The following SAMD5 variants were observed in gnomAD, a reference collection of about 807,000 sequenced individuals.
The protein encoded by SAMD5 is sterile alpha motif domain containing 5.
In SAMD5, 13 loss-of-function variants were observed where a neutral mutation model predicts 11.3. That is an observed-to-expected ratio of 1.15 (90% CI 0.75 to 1.83). SAMD5 has a LOEUF of 1.83. Ranked by LOEUF, SAMD5 falls within the 40% of genes most tolerant of loss-of-function variation. The pLI is 0.00. For missense variants in SAMD5, 255 were observed against 239.1 expected, an observed-to-expected ratio of 1.07 and a Z score of -0.44; for synonymous variants, 129 against 111.3, an observed-to-expected ratio of 1.16 and a Z score of -1.00.
the SAMD5 span, among the ~76,000 whole-genome samples, chr6:147,939,731 C>T: frequency 6.6e-6 from 1 of 152,218 alleles, no homozygotes; most frequent in Non-Finnish European, 1.5e-5. Context: ...CCAATGGCTT[C>T]CCAGACAACA....
chr6:147,560,111 A>C (rs1046668559), intron 1 of SAMD5, among the ~76,000 whole-genome samples: 2 of 152,236 alleles, frequency 1.3e-5, no homozygotes, highest in African/African-American at 2.4e-5. Context: ...TCAATCGGTC[A>C]GCAGTAGTAG....
intron 1 of SAMD5, among the ~76,000 whole-genome samples, chr6:147,563,051 T>C (rs975300412): frequency 2.0e-5 from 3 of 152,192 alleles, no homozygotes; most frequent in Non-Finnish European, 4.4e-5. Context: ...TATTTGAATA[T>C]ATTAAATAGT....
intron 1 of SAMD5, among the ~76,000 whole-genome samples, chr6:147,587,977 TC>T (rs1251812706): frequency 6.6e-6 from 1 of 152,214 alleles, no homozygotes; most frequent in Non-Finnish European, 1.5e-5. Context: ...TCAAAATATG[TC>T]GTGGATCTAC....
chr6:147,563,172 A>C (rs1286803058), intron 1 of SAMD5, among the ~76,000 whole-genome samples: 1 of 152,208 alleles, frequency 6.6e-6, no homozygotes, highest in Non-Finnish European at 1.5e-5. Context: ...TGATTGCCTG[A>C]TGGTGTCACC....
chr6:147,786,595 T>C, the SAMD5 span, among the ~76,000 whole-genome samples: 1 of 152,212 alleles, frequency 6.6e-6, no homozygotes, highest in South Asian at 2.1e-4. Flanking sequence ...GGCTTTATAC[T>C]TACTTAAAGG....
At chr6:147,899,587 C>A in the SAMD5 span, among the ~76,000 whole-genome samples, 1 of 152,298 alleles carries the variant, frequency 6.6e-6, no homozygotes, top group East Asian at 1.9e-4. Flanking sequence ...AAGGCATGAG[C>A]TCTCCAGCAG....
intron 1 of SAMD5, among the ~76,000 whole-genome samples, chr6:147,621,699 C>G (rs991765039): frequency 6.6e-6 from 1 of 152,184 alleles, no homozygotes; most frequent in African/African-American, 2.4e-5. Flanking sequence ...CGAGGAGCAG[C>G]CTTTTGTTCC....
intron 1 of SAMD5, among the ~76,000 whole-genome samples, chr6:147,645,201 G>A (rs1426212784): frequency 1.3e-5 from 2 of 152,206 alleles, no homozygotes; most frequent in African/African-American, 2.4e-5. Context: ...GCCACTAGCA[G>A]TTGATGGCAT....
the SAMD5 span, among the ~76,000 whole-genome samples, chr6:147,864,210 C>T: frequency 1.3e-5 from 2 of 152,018 alleles, no homozygotes; most frequent in Admixed American, 1.3e-4. Flanking sequence ...TTGAATTTTC[C>T]CGCCCTAGAA....
rs1396762916 is a variant in SAMD5, at chr6:147,539,492, C to T, written c.460-24902C>T. Among the ~76,000 whole-genome samples the T allele has an allele frequency of 3.3e-5, 5 of 152,202 alleles. No homozygotes were observed. The East Asian group carries it at 7.7e-4, about 23-fold the overall frequency. On this transcript the variant is annotated intron_variant, in intron 1 of 1. Coordinates refer to ENST00000367474, the MANE Select transcript of SAMD5 (RefSeq NM_001030060.3). ...TTCTGATACCCCCAAAACTCAAAAC[C>T]GTCAGATATCACAGTGCAAAACAGA...
chr6:147,785,756 C>T, the SAMD5 span, among the ~76,000 whole-genome samples: 1 of 152,164 alleles, frequency 6.6e-6, no homozygotes, highest in Admixed American at 6.5e-5. Context: ...AGAAATACTT[C>T]TCCAGATACT....
At chr6:147,915,520 T>C in the SAMD5 span, among the ~76,000 whole-genome samples, 1 of 152,314 alleles carries the variant, frequency 6.6e-6, no homozygotes, top group South Asian at 2.1e-4. Flanking sequence ...GTTTCCTCAT[T>C]AGAGAAACAA....
chr6:147,864,189 T>C, the SAMD5 span, among the ~76,000 whole-genome samples: 3 of 152,104 alleles, frequency 2.0e-5, no homozygotes, highest in Non-Finnish European at 4.4e-5. Context: ...CACCTATGTG[T>C]GTGGAGTAAC....
chr6:147,591,527 C>A (rs1190312910), intron 1 of SAMD5, among the ~76,000 whole-genome samples: 1 of 152,104 alleles, frequency 6.6e-6, no homozygotes, highest in African/African-American at 2.4e-5. Flanking sequence ...ATCTGCTTGA[C>A]CTGCTGGAAT....
At chr6:147,870,443 T>TGTGTGA in the SAMD5 span, among the ~76,000 whole-genome samples, 1 of 114,960 alleles carries the variant, frequency 8.7e-6, no homozygotes, top group Non-Finnish European at 1.9e-5. Context: ...TGTGTGTGTG[T>TGTGTGA]GTGTGAGTGT....
chr6:147,838,531 G>GCTCCCCCCCCC, the SAMD5 span, among the ~76,000 whole-genome samples: 1 of 127,706 alleles, frequency 7.8e-6, no homozygotes, highest in Non-Finnish European at 1.6e-5. Flanking sequence ...AGAATATCCT[G>GCTCCCCCCCCC]CCCCCCCCCC....
chr6:147,790,812 CT>C, the SAMD5 span, among the ~76,000 whole-genome samples: 1 of 126,966 alleles, frequency 7.9e-6, no homozygotes, highest in Non-Finnish European at 1.7e-5. Context: ...CTCTCTCTCT[CT>C]CTCTCTCTCT....
At position 147,567,623 on chromosome 6, in the gene SAMD5, T is replaced by G; in HGVS notation, c.*3167T>G. 2 of 979,814 alleles carry G rather than the reference T, an allele frequency of 2.0e-6. No homozygotes were observed. The highest frequency in any genetic ancestry group is 2.4e-6 in the Non-Finnish European group (2 of 824,838). The allele number at this position is 979,814 out of a possible 1,614,324, so 60.7% of individuals were successfully genotyped here. On this transcript the variant is annotated 3_prime_UTR_variant, in exon 2 of 2. Coordinates refer to ENST00000367474, the MANE Select transcript of SAMD5 (RefSeq NM_001030060.3). ...ACAGTCCTTGGCTCAGTGCTAGGCA[T>G]GTAGCAGGTGCTGACTGCCTCTCTC...
At chr6:147,908,608 AAG>A in the SAMD5 span, among the ~76,000 whole-genome samples, 1 of 152,192 alleles carries the variant, frequency 6.6e-6, no homozygotes, top group Admixed American at 6.5e-5. Flanking sequence ...GCAGCAGGGA[AAG>A]AGAACAACTA....
Sources: gnomAD v4.1 joint callset for allele counts (sites outside exome capture counted in the v4.1 genomes callset) on GRCh38, gnomAD v4.1.1 for gene constraint, MANE v1.5 for transcripts, NCBI Gene and HGNC (gene_info 2026-07-23, HGNC 2026-07-21) for gene names.